Variants in LRMDA observed in about 807,000 individuals in gnomAD.
LRMDA encodes the protein leucine rich melanocyte differentiation associated, also known as leucine-rich melanocyte differentiation-associated protein.
LRMDA carries 18 observed loss-of-function variants against 29.8 expected under a neutral mutation model. The ratio of observed to expected loss-of-function variants is 0.60; its 90% CI spans 0.42 to 0.90. The LOEUF is 0.90. LRMDA is among the 40% of genes least tolerant of loss of function. The pLI is 0.00. For missense variants in LRMDA, 273 were observed against 273.9 expected, an observed-to-expected ratio of 1.00 and a Z score of 0.02; for synonymous variants, 125 against 109.4, an observed-to-expected ratio of 1.14 and a Z score of -0.89.
At chr10:76,091,865 A>T (rs2894322) in intron 5 of LRMDA, among the ~76,000 whole-genome samples, 18,053 of 151,602 alleles carry the variant, frequency 0.12, 1,551 homozygotes, top group East Asian at 0.43. Flanking sequence ...TAAAAAAAAA[A>T]TTTTTTTGTA....
chr10:75,661,030 A>C (rs1167222739), intron 2 of LRMDA, among the ~76,000 whole-genome samples: 1 of 152,178 alleles, frequency 6.6e-6, no homozygotes, highest in African/African-American at 2.4e-5. Flanking sequence ...AAGGCTACCC[A>C]GATTCTCACA....
intron 2 of LRMDA, among the ~76,000 whole-genome samples, chr10:75,633,426 G>A (rs1356477239): frequency 6.6e-6 from 1 of 152,154 alleles, no homozygotes; most frequent in Admixed American, 6.5e-5. Context: ...CTCCCTGTGT[G>A]GGTTTGTATT....
At chr10:75,771,794 G>A (rs1843244995) in intron 2 of LRMDA, among the ~76,000 whole-genome samples, 1 of 152,164 alleles carries the variant, frequency 6.6e-6, no homozygotes, top group Non-Finnish European at 1.5e-5. Context: ...GAAGAAGGGT[G>A]TGGCACAGGG....
intron 6 of LRMDA, among the ~76,000 whole-genome samples, chr10:76,325,393 T>C (rs375630546): frequency 6.6e-6 from 1 of 152,238 alleles, no homozygotes; most frequent in Non-Finnish European, 1.5e-5. Context: ...TGGGCATCAA[T>C]AGAACTTTTC....
At chr10:76,525,632 TA>T (rs941252878) in intron 6 of LRMDA, among the ~76,000 whole-genome samples, 1 of 152,198 alleles carries the variant, frequency 6.6e-6, no homozygotes, top group African/African-American at 2.4e-5. Flanking sequence ...TTATGGTCTT[TA>T]GTAATTTATA....
intron 2 of LRMDA, among the ~76,000 whole-genome samples, chr10:75,446,377 A>C (rs957251763): frequency 1.3e-5 from 2 of 152,218 alleles, no homozygotes; most frequent in Non-Finnish European, 2.9e-5. Context: ...GGTGCTAGTG[A>C]GGCTAAGAGC....
intron 2 of LRMDA, among the ~76,000 whole-genome samples, chr10:75,985,321 C>A (rs997835520): frequency 2.6e-5 from 4 of 152,050 alleles, no homozygotes; most frequent in African/African-American, 9.7e-5. Flanking sequence ...TTAGCATAAG[C>A]AAAAAGGAAA....
chr10:75,895,844 C>G (rs1350688177), intron 2 of LRMDA, among the ~76,000 whole-genome samples: 1 of 152,144 alleles, frequency 6.6e-6, no homozygotes, highest in African/African-American at 2.4e-5. Flanking sequence ...TGCATGTACT[C>G]TGATAAAAAC....
At chr10:75,996,730 T>A (rs191434590) in intron 2 of LRMDA, among the ~76,000 whole-genome samples, 2 of 151,854 alleles carry the variant, frequency 1.3e-5, no homozygotes, top group Admixed American at 6.6e-5. Flanking sequence ...TTTTGTTTGT[T>A]TGGTGTTTTT....
At chr10:75,677,767 C>A (rs112935345) in intron 2 of LRMDA, among the ~76,000 whole-genome samples, 2,049 of 152,174 alleles carry the variant, frequency 0.013, 22 homozygotes, top group South Asian at 0.027. Context: ...TATATTGAGG[C>A]CAACTATGCA....
intron 2 of LRMDA, among the ~76,000 whole-genome samples, chr10:75,966,492 G>A (rs1206673063): frequency 6.6e-6 from 1 of 152,208 alleles, no homozygotes; most frequent in Non-Finnish European, 1.5e-5. Flanking sequence ...CCTCTATCTT[G>A]CTGTCCTACC....
At chr10:76,414,858 G>A (rs1262979795) in intron 6 of LRMDA, among the ~76,000 whole-genome samples, 2 of 152,258 alleles carry the variant, frequency 1.3e-5, no homozygotes, top group African/African-American at 2.4e-5. Context: ...GAATGGGAAA[G>A]TGGCTAGGAA....
chr10:75,728,924 G>C (rs1269726712), intron 2 of LRMDA, among the ~76,000 whole-genome samples: 3 of 152,218 alleles, frequency 2.0e-5, no homozygotes, highest in African/African-American at 7.2e-5. Context: ...CCCTCTCATC[G>C]TGTCTCAGTC....
intron 5 of LRMDA, among the ~76,000 whole-genome samples, chr10:76,110,699 C>G (rs1377420596): frequency 6.6e-6 from 1 of 152,210 alleles, no homozygotes; most frequent in East Asian, 1.9e-4. Context: ...GCTTCCTCCT[C>G]ATTTTCTCTT....
At chr10:75,919,881 C>A (rs1022739336) in intron 2 of LRMDA, among the ~76,000 whole-genome samples, 2 of 152,086 alleles carry the variant, frequency 1.3e-5, no homozygotes, top group Non-Finnish European at 1.5e-5. Flanking sequence ...TCTGACACGT[C>A]CGAGTAGGCA....
At chr10:76,160,338 TA>T (rs201819801) in intron 5 of LRMDA, among the ~76,000 whole-genome samples, 2 of 150,518 alleles carry the variant, frequency 1.3e-5, no homozygotes. Flanking sequence ...GTTCTTAATG[TA>T]AAAAAAAAGA....
intron 5 of LRMDA, among the ~76,000 whole-genome samples, chr10:76,181,541 T>C (rs1404605014): frequency 1.3e-5 from 2 of 152,202 alleles, no homozygotes; most frequent in Non-Finnish European, 2.9e-5. Flanking sequence ...TTGGAGAAAC[T>C]ATGAAATGCC....
chr10:76,045,742 T>TAGAGGTTAGAGAAAGATTCAATTCCAGGG (rs1848428243), intron 3 of LRMDA, among the ~76,000 whole-genome samples: 1 of 151,994 alleles, frequency 6.6e-6, no homozygotes, highest in Admixed American at 6.6e-5. Flanking sequence ...GGTCACTGAG[T>TAGAGGTTAGAGAAAGATTCAATTCCAGGG]AGAGGTTAGA....
intron 6 of LRMDA, among the ~76,000 whole-genome samples, chr10:76,377,062 T>C (rs1411662468): frequency 1.3e-5 from 2 of 151,794 alleles, no homozygotes; most frequent in African/African-American, 4.8e-5. Flanking sequence ...ATTTTTTGTA[T>C]GTTTAGTAGA....
Sources: gnomAD v4.1 joint callset for allele counts (sites outside exome capture counted in the v4.1 genomes callset) on GRCh38, gnomAD v4.1.1 for gene constraint, MANE v1.5 for transcripts, NCBI Gene and HGNC (gene_info 2026-07-23, HGNC 2026-07-21) for gene names.